Variants in C7orf33 observed in about 807,000 individuals in gnomAD.
C7orf33 encodes the protein uncharacterized protein C7orf33.
C7orf33 carries 15 observed loss-of-function variants against 13.4 expected under a neutral mutation model. The ratio of observed to expected loss-of-function variants is 1.12; its 90% CI spans 0.75 to 1.72. The LOEUF (loss-of-function observed/expected upper bound fraction) is 1.72, where lower values mean the gene tolerates loss of function less well. C7orf33 is among the 40% of genes most tolerant of loss of function. C7orf33 has a pLI of 0.00. For missense variants in C7orf33, 187 were observed against 220.3 expected, an observed-to-expected ratio of 0.85 and a Z score of 0.96; for synonymous variants, 73 against 83.2, an observed-to-expected ratio of 0.88 and a Z score of 0.67.
At position 148,615,423 on chromosome 7, in the gene C7orf33, T is replaced by A. The variant is rs1476638043; in HGVS notation, c.*22T>A. 4.8e-6 allele frequency: 7 copies of A among 1,465,490 alleles called. No homozygotes were observed. In the East Asian group the frequency reaches 1.6e-4, roughly 33 times the overall value. The allele number at this position is 1,465,490 out of a possible 1,614,324, so 90.8% of individuals were successfully genotyped here. A position where few individuals can be genotyped will look rare whatever the true frequency, so the allele number is the denominator to read the frequency against. ...TTAAGAATTTTGCAGAATCTAAGAG[T>A]CACATCTCTAAATTTGTGTAGATTG... On this transcript the variant is annotated 3_prime_UTR_variant, in exon 3 of 3. Coordinates refer to ENST00000307003, the MANE Select transcript of C7orf33 (RefSeq NM_145304.4).
Position 148,590,801 on chromosome 7 carries a change from G to A in C7orf33, c.-125G>A, listed in dbSNP as rs959161653. ...ATGCCAATCCAGTGGTCAGGAGCGA[G>A]GCGCCCAGCCTGTGTCTGAATCCTC... On this transcript the variant is annotated 5_prime_UTR_variant, in exon 1 of 3. Coordinates refer to ENST00000307003, the MANE Select transcript of C7orf33 (RefSeq NM_145304.4). The A allele has an allele frequency of 3.5e-6, 3 of 854,286 alleles. No individual in the cohort carries two copies. The highest frequency in any genetic ancestry group is 5.7e-6 in the Non-Finnish European group (3 of 522,820). The allele number at this position is 854,286 out of a possible 1,614,324, so 52.9% of individuals were successfully genotyped here. A position where few individuals can be genotyped will look rare whatever the true frequency, so the allele number is the denominator to read the frequency against.
intron 1 of C7orf33, among the ~76,000 whole-genome samples, chr7:148,596,664 A>G (rs531818754): frequency 2.0e-5 from 3 of 152,286 alleles, no homozygotes; most frequent in Non-Finnish European, 2.9e-5. Flanking sequence ...CCATGATTCA[A>G]TTATCTCCCA....
chr7:148,612,051 T>A (rs1009077689), intron 1 of C7orf33, among the ~76,000 whole-genome samples: 1 of 152,248 alleles, frequency 6.6e-6, no homozygotes, highest in African/African-American at 2.4e-5. Context: ...GGGGGCTTCA[T>A]TATAATGCCT....
At chr7:148,612,446 T>G (rs566673313) in intron 1 of C7orf33, among the ~76,000 whole-genome samples, 7 of 152,212 alleles carry the variant, frequency 4.6e-5, no homozygotes, top group Non-Finnish European at 1.0e-4. Flanking sequence ...TAAAATGTAT[T>G]ATCGACAAAG....
chr7:148,614,442 G>C, intron 2 of C7orf33, 146 bp downstream of exon 2: 1 of 977,576 alleles, frequency 1.0e-6, no homozygotes, highest in Non-Finnish European at 1.5e-6. Context: ...GCATGAAACT[G>C]ATCTGATCCC....
intron 1 of C7orf33, among the ~76,000 whole-genome samples, chr7:148,596,972 G>A (rs375555613): frequency 2.6e-5 from 4 of 152,034 alleles, no homozygotes; most frequent in South Asian, 4.1e-4. Context: ...GCTTCCTTCA[G>A]CCTTTCCATG....
Position 148,614,068 on chromosome 7 carries a change from C to T in C7orf33, c.231C>T (p.Asn77=), listed in dbSNP as rs1347490162. 6.2e-7 allele frequency: 1 copy of T among 1,614,064 alleles called. No individual in the cohort carries two copies. The highest frequency in any genetic ancestry group is 1.1e-5 in the South Asian group (1 of 91,064). ...HKKPNPHQNM[N]RGMEFIAPVS... Reference sequence around the variant, plus strand: ...AGCCAAACCCACACCAAAACATGAACCGGGGGATGGAATTTATTGCTCCTG... The same window carrying T: ...AGCCAAACCCACACCAAAACATGAATCGGGGGATGGAATTTATTGCTCCTG... Residue 77 remains asparagine (N), a synonymous_variant, in exon 2 of 3, where the codon AAC becomes AAT. Transcript: ENST00000307003.
chr7:148,592,514 G>C (rs1427609195), intron 1 of C7orf33, among the ~76,000 whole-genome samples: 1 of 144,968 alleles, frequency 6.9e-6, no homozygotes, highest in Non-Finnish European at 1.5e-5. Flanking sequence ...AGGGTAGATA[G>C]GATTTTTTTT....
At chr7:148,606,404 G>A (rs1227254136) in intron 1 of C7orf33, among the ~76,000 whole-genome samples, 3 of 152,104 alleles carry the variant, frequency 2.0e-5, no homozygotes, top group Non-Finnish European at 2.9e-5. Context: ...TCATTGCAGC[G>A]GGTGTGGAAC....
chr7:148,602,430 C>G (rs1024437930), intron 1 of C7orf33, among the ~76,000 whole-genome samples: 13 of 151,988 alleles, frequency 8.6e-5, no homozygotes, highest in Middle Eastern at 3.2e-3. Flanking sequence ...AACCCCATCT[C>G]TACTAAAAAT....
At chr7:148,600,152 G>A (rs1429258437) in intron 1 of C7orf33, among the ~76,000 whole-genome samples, 1 of 152,120 alleles carries the variant, frequency 6.6e-6, no homozygotes, top group African/African-American at 2.4e-5. Context: ...AAGAACCAGA[G>A]GAGGGTCAGA....
intron 1 of C7orf33, among the ~76,000 whole-genome samples, chr7:148,594,271 G>C (rs530504868): frequency 3.3e-5 from 5 of 151,594 alleles, no homozygotes; most frequent in Admixed American, 2.6e-4. Context: ...CGCCTCCCGG[G>C]TTCGTGCCAT....
intron 1 of C7orf33, among the ~76,000 whole-genome samples, chr7:148,600,962 C>T (rs1796406834): frequency 6.6e-6 from 1 of 152,010 alleles, no homozygotes; most frequent in Admixed American, 6.6e-5. Context: ...GCCACCACAC[C>T]CAGCTGATTT....
intron 1 of C7orf33, among the ~76,000 whole-genome samples, chr7:148,597,910 C>T (rs1796360040): frequency 6.6e-6 from 1 of 152,150 alleles, no homozygotes; most frequent in Non-Finnish European, 1.5e-5. Flanking sequence ...TGCCTGCCAC[C>T]ATGCCCGGCT....
At chr7:148,596,874 G>A (rs117404466) in intron 1 of C7orf33, among the ~76,000 whole-genome samples, 3,871 of 152,098 alleles carry the variant, frequency 0.025, 78 homozygotes, top group Admixed American at 0.046. Flanking sequence ...CCATAGTTTT[G>A]TCCTTTCCAG....
chr7:148,598,395 G>A (rs1375869298), intron 1 of C7orf33, among the ~76,000 whole-genome samples: 2 of 151,970 alleles, frequency 1.3e-5, no homozygotes, highest in African/African-American at 2.4e-5. Flanking sequence ...ATCCTGGTAC[G>A]TGACAACTCT....
chr7:148,612,542 C>G (rs1796555737), intron 1 of C7orf33, among the ~76,000 whole-genome samples: 1 of 150,676 alleles, frequency 6.6e-6, no homozygotes, highest in African/African-American at 2.5e-5. Flanking sequence ...ATTCTTACAA[C>G]TCAATAAATA....
chr7:148,600,799 CTTTTTTTTTT>C (rs11373798), intron 1 of C7orf33, among the ~76,000 whole-genome samples: 2 of 103,720 alleles, frequency 1.9e-5, no homozygotes, highest in Non-Finnish European at 3.6e-5. Flanking sequence ...TTATGGACTT[CTTTTTTTTTT>C]TTTTTTTTTT....
chr7:148,611,557 T>C (rs985947537), intron 1 of C7orf33, among the ~76,000 whole-genome samples: 15 of 152,296 alleles, frequency 9.8e-5, no homozygotes, highest in African/African-American at 3.4e-4. Flanking sequence ...CCCATCCATG[T>C]TGCTGAGTGC....
Sources: gnomAD v4.1 joint callset for allele counts (sites outside exome capture counted in the v4.1 genomes callset) on GRCh38, gnomAD v4.1.1 for gene constraint, MANE v1.5 for transcripts, NCBI Gene and HGNC (gene_info 2026-07-23, HGNC 2026-07-21) for gene names.